The following TMEM108 variants were observed in gnomAD, a reference collection of about 807,000 sequenced individuals.
The protein encoded by TMEM108 is cancer/testis antigen 124.
In TMEM108, 12 loss-of-function variants were observed where a neutral mutation model predicts 35.1. That is an observed-to-expected ratio of 0.34 (90% confidence interval 0.22 to 0.55). The LOEUF (loss-of-function observed/expected upper bound fraction) is 0.55. Among genes scored for constraint, TMEM108 ranks in the 20% least tolerant of loss-of-function variants. The pLI, the probability that TMEM108 is intolerant of heterozygous loss-of-function variation, is 0.89. For missense variants in TMEM108, 680 were observed against 753.3 expected, an observed-to-expected ratio of 0.90 and a Z score of 1.14; for synonymous variants, 287 against 308.6, an observed-to-expected ratio of 0.93 and a Z score of 0.73.
At chr3:133,239,997 A>G (rs977953174) in intron 3 of TMEM108, among the ~76,000 whole-genome samples, 2 of 152,360 alleles carry the variant, frequency 1.3e-5, no homozygotes, top group Non-Finnish European at 2.9e-5. Flanking sequence ...GAAGGGCACA[A>G]GGAATGGGCT....
At chr3:133,220,996 G>A (rs1945982133) in intron 2 of TMEM108, among the ~76,000 whole-genome samples, 2 of 152,196 alleles carry the variant, frequency 1.3e-5, no homozygotes, top group South Asian at 4.1e-4. Context: ...GACATAAATA[G>A]TGTAAAGTCT....
chr3:133,208,640 C>T (rs1945792028), intron 2 of TMEM108, among the ~76,000 whole-genome samples: 1 of 152,154 alleles, frequency 6.6e-6, no homozygotes, highest in Non-Finnish European at 1.5e-5. Flanking sequence ...ATATATTCTC[C>T]CCTCCTCTAG....
intron 2 of TMEM108, among the ~76,000 whole-genome samples, chr3:133,136,658 C>G (rs1350227672): frequency 6.6e-6 from 1 of 152,214 alleles, no homozygotes; most frequent in African/African-American, 2.4e-5. Flanking sequence ...AGGGCATCAC[C>G]TTTTACCTGG....
intron 2 of TMEM108, among the ~76,000 whole-genome samples, chr3:133,130,453 C>G (rs528716627): frequency 6.6e-6 from 1 of 152,148 alleles, no homozygotes; most frequent in Non-Finnish European, 1.5e-5. Flanking sequence ...GCTGGGAAGA[C>G]AGACAGCTGG....
chr3:133,309,882 A>T (rs908162382), intron 3 of TMEM108, among the ~76,000 whole-genome samples: 2 of 151,342 alleles, frequency 1.3e-5, no homozygotes, highest in African/African-American at 4.9e-5. Context: ...TTGTATTTTT[A>T]GTAGAGACGG....
At chr3:133,362,811 C>G (rs1416434007) in intron 3 of TMEM108, among the ~76,000 whole-genome samples, 1 of 152,180 alleles carries the variant, frequency 6.6e-6, no homozygotes. Context: ...CCACATCCTG[C>G]TGGTGCTAGC....
intron 2 of TMEM108, among the ~76,000 whole-genome samples, chr3:133,221,620 G>A (rs1945991121): frequency 6.8e-6 from 1 of 146,362 alleles, no homozygotes; most frequent in Admixed American, 6.8e-5. Flanking sequence ...TTTGTGATCA[G>A]GTGTCTTCCT....
At chr3:133,137,271 A>T (rs1430393506) in intron 2 of TMEM108, among the ~76,000 whole-genome samples, 1 of 152,206 alleles carries the variant, frequency 6.6e-6, no homozygotes, top group Non-Finnish European at 1.5e-5. Context: ...GAAGTCACTG[A>T]GCAGGCACAT....
intron 2 of TMEM108, among the ~76,000 whole-genome samples, chr3:133,216,942 A>G (rs925608117): frequency 6.6e-6 from 1 of 152,118 alleles, no homozygotes; most frequent in African/African-American, 2.4e-5. Context: ...TTGAATATAT[A>G]CCCAGTAGTG....
intron 4 of TMEM108, chr3:133,388,383 G>T (rs1461131580): frequency 5.2e-6 from 5 of 959,776 alleles, no homozygotes; most frequent in Non-Finnish European, 6.2e-6. Context: ...TTTTCCTCTA[G>T]AATAAGGAGG....
chr3:133,274,154 G>T (rs967451879), intron 3 of TMEM108, among the ~76,000 whole-genome samples: 2 of 152,132 alleles, frequency 1.3e-5, no homozygotes, highest in Admixed American at 6.5e-5. Flanking sequence ...TCTGCACAGC[G>T]GATGCATGCC....
intron 2 of TMEM108, among the ~76,000 whole-genome samples, chr3:133,196,967 C>T (rs1945587237): frequency 6.6e-6 from 1 of 152,154 alleles, no homozygotes; most frequent in African/African-American, 2.4e-5. Context: ...GGGTTAGGTA[C>T]ACTGTCAGGT....
intron 2 of TMEM108, among the ~76,000 whole-genome samples, chr3:133,095,749 G>C (rs1287390713): frequency 6.6e-6 from 1 of 152,130 alleles, no homozygotes; most frequent in Non-Finnish European, 1.5e-5. Context: ...TGGAGCTCAG[G>C]TGATAATGAG....
intron 2 of TMEM108, among the ~76,000 whole-genome samples, chr3:133,055,579 C>T (rs1026206696): frequency 6.6e-6 from 1 of 152,182 alleles, no homozygotes; most frequent in Non-Finnish European, 1.5e-5. Flanking sequence ...ATGCAGATCC[C>T]TGAGGGCCTA....
intron 2 of TMEM108, among the ~76,000 whole-genome samples, chr3:133,051,291 T>C (rs868537888): frequency 5.3e-5 from 8 of 152,282 alleles, no homozygotes; most frequent in South Asian, 4.1e-4. Flanking sequence ...TCTTTTGATA[T>C]GCATACTTGC....
intron 3 of TMEM108, among the ~76,000 whole-genome samples, chr3:133,300,943 G>GA (rs56138024): frequency 1.7e-4 from 23 of 135,510 alleles, no homozygotes; most frequent in African/African-American, 2.1e-4. Flanking sequence ...TAAGAATAAA[G>GA]AAAAAAAAAA....
At chr3:133,168,157 A>G (rs554319875) in intron 2 of TMEM108, among the ~76,000 whole-genome samples, 57 of 152,178 alleles carry the variant, frequency 3.7e-4, no homozygotes, top group African/African-American at 1.2e-3. Flanking sequence ...CTGGCTGGGA[A>G]CTCAGTTTTA....
At chr3:133,051,506 T>G (rs1943404066) in intron 2 of TMEM108, among the ~76,000 whole-genome samples, 1 of 152,174 alleles carries the variant, frequency 6.6e-6, no homozygotes, top group African/African-American at 2.4e-5. Context: ...AACAGACATT[T>G]TGAATTATAA....
At chr3:133,196,482 CT>C (rs1265325711) in intron 2 of TMEM108, among the ~76,000 whole-genome samples, 1 of 152,086 alleles carries the variant, frequency 6.6e-6, no homozygotes, top group Non-Finnish European at 1.5e-5. Flanking sequence ...TGATGTAGTC[CT>C]TTTTGAAAGT....
Sources: allele counts gnomAD v4.1 joint callset (sites outside exome capture counted in the v4.1 genomes callset), GRCh38; gene constraint gnomAD v4.1.1; transcripts MANE v1.5; gene names NCBI Gene and HGNC (gene_info 2026-07-23, HGNC 2026-07-21).